STK39: variants seen among roughly 807,000 people sequenced by gnomAD.
STK39 encodes STE20/SPS1-related proline-alanine-rich protein kinase.
Under a neutral mutation model 77.8 loss-of-function variants are expected in STK39, and 20 were observed. The observed-to-expected ratio is 0.26, with a 90% CI of 0.18 to 0.37. The LOEUF is 0.37. Ranked by LOEUF, STK39 falls within the 10% of genes least tolerant of loss-of-function variation. The pLI is 1.00. For missense variants in STK39, 479 were observed against 656.5 expected (o/e 0.73, Z 2.95); for synonymous variants, 246 against 234.1 (o/e 1.05, Z -0.47).
chr2:168,095,627 T>TC lies in STK39; in HGVS notation c.1090-20397_1090-20396insG, dbSNP rs1553522215. 2.1e-4 allele frequency among the ~76,000 whole-genome samples: 31 copies of TC among 146,734 alleles called. 1 individual carries two copies. The highest frequency in any genetic ancestry group is 2.2e-4 in the South Asian group (1 of 4,578). On this transcript the variant is annotated intron_variant, in intron 10 of 17. Coordinates refer to ENST00000355999, the MANE Select transcript of STK39 (RefSeq NM_013233.3). Reference sequence around the variant, plus strand: ...TAGCCACTCGTGTATCTCTTTCTTTTTTTTTTTTTTTTTTTTTAAGACGGA... The same window carrying TC: ...TAGCCACTCGTGTATCTCTTTCTTTTCTTTTTTTTTTTTTTTTTAAGACGGA...
At chr2:167,959,980 A>G (rs1381307380) in intron 17 of STK39, among the ~76,000 whole-genome samples, 1 of 152,202 alleles carries the variant, frequency 6.6e-6, no homozygotes, top group Non-Finnish European at 1.5e-5. Flanking sequence ...ACGCTTTGTG[A>G]GCCTCAATTT....
At chr2:168,109,008 T>C (rs1391179492) in intron 10 of STK39, among the ~76,000 whole-genome samples, 1 of 152,314 alleles carries the variant, frequency 6.6e-6, no homozygotes, top group East Asian at 1.9e-4. Context: ...ACTTTTCAGT[T>C]GAGGAAACTG....
chr2:168,018,248 C>T (rs907614396), intron 14 of STK39, among the ~76,000 whole-genome samples: 1 of 151,968 alleles, frequency 6.6e-6, no homozygotes, highest in Non-Finnish European at 1.5e-5. Context: ...GCCTGTAATC[C>T]CAGAACTTTG....
intron 5 of STK39, among the ~76,000 whole-genome samples, chr2:168,155,101 C>A (rs1354435440): frequency 6.6e-6 from 1 of 152,288 alleles, no homozygotes; most frequent in East Asian, 1.9e-4. Flanking sequence ...CCTAGACACT[C>A]TTCTGTGAAG....
chr2:168,150,607 T>G (rs909255601), intron 5 of STK39, among the ~76,000 whole-genome samples: 2 of 152,022 alleles, frequency 1.3e-5, no homozygotes, highest in Non-Finnish European at 2.9e-5. Context: ...CCTTTCTCTC[T>G]CATTTGTGAA....
chr2:168,048,277 A>G (rs182625701), intron 14 of STK39, among the ~76,000 whole-genome samples: 82 of 151,576 alleles, frequency 5.4e-4, no homozygotes, highest in African/African-American at 1.8e-3. Flanking sequence ...TAATGGCACA[A>G]TCTCGGCTCA....
intron 10 of STK39, among the ~76,000 whole-genome samples, chr2:168,097,993 T>C (rs944692884): frequency 6.6e-6 from 1 of 152,260 alleles, no homozygotes; most frequent in East Asian, 1.9e-4. Flanking sequence ...GCTAAATGAT[T>C]TTCTAGAAGC....
chr2:168,003,263 A>G (rs1265101789), intron 16 of STK39, among the ~76,000 whole-genome samples: 1 of 152,224 alleles, frequency 6.6e-6, no homozygotes, highest in African/African-American at 2.4e-5. Context: ...GGCTTGAGCC[A>G]CCACGCCTGG....
chr2:168,028,190 C>A (rs1684748848), intron 14 of STK39, among the ~76,000 whole-genome samples: 1 of 152,010 alleles, frequency 6.6e-6, no homozygotes, highest in Admixed American at 6.6e-5. Context: ...AAAAACATTT[C>A]AACATACAGG....
intron 10 of STK39, among the ~76,000 whole-genome samples, chr2:168,122,821 G>A (rs989486465): frequency 6.6e-5 from 10 of 152,164 alleles, no homozygotes; most frequent in African/African-American, 2.4e-4. Flanking sequence ...GTAGAGCCAT[G>A]ACATAAAGTA....
At chr2:168,232,557 T>C (rs577022371) in intron 1 of STK39, among the ~76,000 whole-genome samples, 12 of 152,358 alleles carry the variant, frequency 7.9e-5, no homozygotes, top group African/African-American at 2.4e-4. Context: ...CCATAAAGAC[T>C]GTTTAAGCAA....
At chr2:168,230,309 A>T (rs1690421575) in intron 1 of STK39, among the ~76,000 whole-genome samples, 1 of 152,194 alleles carries the variant, frequency 6.6e-6, no homozygotes, top group East Asian at 1.9e-4. Flanking sequence ...GTGACTTTCC[A>T]AGACTAGGCC....
At chr2:168,149,940 G>A (rs1688236726) in intron 5 of STK39, among the ~76,000 whole-genome samples, 1 of 152,222 alleles carries the variant, frequency 6.6e-6, no homozygotes, top group African/African-American at 2.4e-5. Flanking sequence ...GGAAACAGAA[G>A]TAAGTTCGAC....
chr2:168,108,480 CAA>C (rs1687036683), intron 10 of STK39, among the ~76,000 whole-genome samples: 1 of 151,622 alleles, frequency 6.6e-6, no homozygotes, highest in Non-Finnish European at 1.5e-5. Flanking sequence ...ACTGGGAGGT[CAA>C]GAGTGCAGTG....
chr2:168,060,763 T>C (rs1055403504), intron 14 of STK39, among the ~76,000 whole-genome samples: 3 of 152,226 alleles, frequency 2.0e-5, no homozygotes, highest in Non-Finnish European at 2.9e-5. Flanking sequence ...TTTGGAATAA[T>C]TGTGTTAGAT....
At chr2:168,208,992 C>T (rs949175959) in intron 1 of STK39, among the ~76,000 whole-genome samples, 1 of 152,186 alleles carries the variant, frequency 6.6e-6, no homozygotes, top group East Asian at 1.9e-4. Flanking sequence ...CATAGCTCAG[C>T]CCAGCCTGAC....
chr2:167,984,201 C>A (rs1574366674), intron 16 of STK39, among the ~76,000 whole-genome samples: 1 of 152,204 alleles, frequency 6.6e-6, no homozygotes, highest in Non-Finnish European at 1.5e-5. Context: ...GATATAAACA[C>A]AAGTAATGCA....
chr2:168,173,540 T>A (rs1688880019), intron 2 of STK39, among the ~76,000 whole-genome samples: 2 of 140,648 alleles, frequency 1.4e-5, no homozygotes, highest in South Asian at 4.6e-4. Flanking sequence ...ATTGTGAATT[T>A]TTTTATTTAT....
chr2:168,018,572 A>AAGAAAGAAAGAAAGAG (rs1684488472), intron 14 of STK39, among the ~76,000 whole-genome samples: 1 of 144,002 alleles, frequency 6.9e-6, no homozygotes, highest in African/African-American at 2.8e-5. Flanking sequence ...GAAAGAAAGA[A>AAGAAAGAAAGAAAGAG]AGAAAGAAAG....
Sources: allele counts gnomAD v4.1 joint callset (sites outside exome capture counted in the v4.1 genomes callset), GRCh38; gene constraint gnomAD v4.1.1; transcripts MANE v1.5; gene names NCBI Gene and HGNC (gene_info 2026-07-23, HGNC 2026-07-21).